The following LYPD1 variants were observed in gnomAD, a reference collection of about 807,000 sequenced individuals.
The protein encoded by LYPD1 is LY6/PLAUR domain containing 1.
Under a neutral mutation model 14.2 loss-of-function variants are expected in LYPD1, and 14 were observed. The ratio of observed to expected loss-of-function variants is 0.99; its 90% CI spans 0.65 to 1.54. LYPD1 has a LOEUF of 1.54. Among genes scored for constraint, LYPD1 ranks in the 40% most tolerant of loss-of-function variants. LYPD1 has a pLI of 0.00. For synonymous variants in LYPD1, 85 were observed against 70.6 expected (o/e 1.20, Z -1.02); for missense variants, 165 against 175.7 (o/e 0.94, Z 0.34).
At position 132,670,027 on chromosome 2, in the gene LYPD1, G is replaced by A; in HGVS notation, c.-95C>T. On this transcript the variant is annotated 5_prime_UTR_variant, in exon 1 of 3. Coordinates refer to ENST00000397463, the MANE Select transcript of LYPD1 (RefSeq NM_144586.7). This position sits in a 1 kb window ranked among gnomAD's most constrained non-coding sequence, Gnocchi z 4.5. ...GGCTGCAGCGGCTGTGGCTGCCGAG[G>A]CTGCTGGGGCCCGCGCTGCTGCCGC... 1 of 1,563,148 alleles carries A rather than the reference G, an allele frequency of 6.4e-7. No individual in the cohort carries two copies. Among genetic ancestry groups the A allele is most frequent in the South Asian group, 1.1e-5 (1 of 86,976 alleles).
chr2:132,664,475 A>G (rs1683157420), intron 2 of LYPD1, among the ~76,000 whole-genome samples: 1 of 152,222 alleles, frequency 6.6e-6, no homozygotes, highest in Admixed American at 6.5e-5. Flanking sequence ...ACACAGCCAT[A>G]ATGTAGATGC....
chr2:132,644,026 T>C lies in LYPD1; in HGVS notation c.*2019A>G, dbSNP rs1573716048. On this transcript the variant is annotated 3_prime_UTR_variant, in exon 3 of 3. Coordinates refer to ENST00000397463, the MANE Select transcript of LYPD1 (RefSeq NM_144586.7). ...AGCAGCTCTCTACAGGGGAATTTAC[T>C]GTGGGTGTCTTGGCTCCTTACGAAA... Among the ~76,000 whole-genome samples, 1 of 152,360 alleles carries C rather than the reference T, an allele frequency of 6.6e-6. No individual in the cohort carries two copies. Among genetic ancestry groups the C allele is most frequent in the South Asian group, 2.1e-4 (1 of 4,826 alleles).
intron 2 of LYPD1, among the ~76,000 whole-genome samples, chr2:132,658,695 T>G (rs778120209): frequency 2.6e-5 from 4 of 152,236 alleles, no homozygotes; most frequent in Admixed American, 1.3e-4. Flanking sequence ...TTGCCCAAAC[T>G]GAATGGTTTA....
intron 1 of LYPD1, among the ~76,000 whole-genome samples, chr2:132,668,738 A>G (rs1479576265): frequency 6.6e-6 from 1 of 152,094 alleles, no homozygotes; most frequent in East Asian, 1.9e-4. Context: ...AAGAAAGTGG[A>G]ATAGTGCCCG....
In LYPD1 at chr2:132,645,596, A is replaced by G; in HGVS notation, c.*449T>C. 2 of 1,610,772 alleles carry G rather than the reference A, an allele frequency of 1.2e-6. No homozygotes were observed. Among genetic ancestry groups the G allele is most frequent in the Non-Finnish European group, 1.7e-6 (2 of 1,178,548 alleles). ...GCTGCAGAGAATGGTTTTCAGGAGC[A>G]TGAAGTTTGAATGTCAAGCGAGGGA... On this transcript the variant is annotated 3_prime_UTR_variant, in exon 3 of 3. Coordinates refer to ENST00000397463, the MANE Select transcript of LYPD1 (RefSeq NM_144586.7).
rs748196870 is a variant in LYPD1 at position 132,645,348 on chromosome 2, C to T, written c.*697G>A. The T allele has an allele frequency of 3.7e-6, 6 of 1,614,038 alleles. No homozygotes were observed. The highest frequency in any genetic ancestry group is 1.6e-4 in the Middle Eastern group (1 of 6,084). ...GCTGCCGCCTGTCGCTGCAGCACGC[C>T]AACCACGAGAAGCGCCTGCGCGTAC... On this transcript the variant is annotated 3_prime_UTR_variant, in exon 3 of 3. Transcript: ENST00000397463.
chr2:132,669,714 C>T lies in LYPD1; in HGVS notation c.52+167G>A. ...CTCCTCCTGCAGCGCGGGACTTGGA[C>T]ACTTTCCCAGCCTCGCGCCCCGGGG... On this transcript the variant is annotated intron_variant, in intron 1 of 2. Coordinates refer to ENST00000397463, the MANE Select transcript of LYPD1 (RefSeq NM_144586.7). This position sits in a 1 kb window ranked among gnomAD's most constrained non-coding sequence, Gnocchi z 4.3. 7.3e-7 allele frequency: 1 copy of T among 1,375,822 alleles called. No individual in the cohort carries two copies. Among genetic ancestry groups the T allele is most frequent in the Non-Finnish European group, 9.5e-7 (1 of 1,047,936 alleles). 85.2% of individuals were successfully genotyped at this position (1,375,822 alleles called of 1,614,324 possible). A position where few individuals can be genotyped will look rare whatever the true frequency, so the allele number is the denominator to read the frequency against.
Position 132,644,903 on chromosome 2 carries a change from G to T in LYPD1, c.*1142C>A. On this transcript the variant is annotated 3_prime_UTR_variant, in exon 3 of 3. Transcript: ENST00000397463. ...TTTCTTTAACACAGCCAACTCCCCCGGGTTTGAAACAGTGTTAAATTCTCT... is the reference window on the plus strand; with the variant it reads ...TTTCTTTAACACAGCCAACTCCCCCTGGTTTGAAACAGTGTTAAATTCTCT... 1 of 600,240 alleles carries T rather than the reference G, an allele frequency of 1.7e-6. No individual in the cohort carries two copies. The highest frequency in any genetic ancestry group is 2.9e-6 in the Non-Finnish European group (1 of 347,322). 37.2% of individuals were successfully genotyped at this position (600,240 alleles called of 1,614,324 possible). A position where few individuals can be genotyped will look rare whatever the true frequency, so the allele number is the denominator to read the frequency against.
At position 132,645,122 on chromosome 2, in the gene LYPD1, C is replaced by A; in HGVS notation, c.*923G>T. The A allele has an allele frequency of 6.2e-7, 1 of 1,613,148 alleles. No individual in the cohort carries two copies. The highest frequency in any genetic ancestry group is 8.5e-7 in the Non-Finnish European group (1 of 1,179,542). ...CCAGGGCTGATTGTTGTGACATTGG[C>A]CGTATGCTGGATGCCCAACCAGATT... On this transcript the variant is annotated 3_prime_UTR_variant, in exon 3 of 3. Transcript: ENST00000397463.
chr2:132,647,370 A>G (rs940385966), intron 2 of LYPD1, among the ~76,000 whole-genome samples: 2 of 152,342 alleles, frequency 1.3e-5, no homozygotes, highest in Middle Eastern at 3.4e-3. Context: ...ATTAACCACA[A>G]AAATAACCGG....
At chr2:132,666,233 C>A (rs1489035267) in intron 2 of LYPD1, among the ~76,000 whole-genome samples, 1 of 152,118 alleles carries the variant, frequency 6.6e-6, no homozygotes, top group Non-Finnish European at 1.5e-5. Flanking sequence ...TCCTTATTGG[C>A]AAAAAATTAA....
At chr2:132,658,184 G>A (rs1423941291) in intron 2 of LYPD1, among the ~76,000 whole-genome samples, 1 of 152,226 alleles carries the variant, frequency 6.6e-6, no homozygotes, top group Non-Finnish European at 1.5e-5. Context: ...GCTTAGGGAA[G>A]TAAGAAGAAA....
chr2:132,648,602 A>AT (rs1456699073), intron 2 of LYPD1, among the ~76,000 whole-genome samples: 1 of 152,222 alleles, frequency 6.6e-6, no homozygotes, highest in Non-Finnish European at 1.5e-5. Flanking sequence ...GGTTAGTTGG[A>AT]TAAATAGTGC....
chr2:132,650,187 G>C (rs565010669), intron 2 of LYPD1, among the ~76,000 whole-genome samples: 1 of 152,054 alleles, frequency 6.6e-6, no homozygotes, highest in African/African-American at 2.4e-5. Flanking sequence ...CACAGAAAAC[G>C]CAACAGAGCT....
At chr2:132,670,306 G>A (rs985252266), upstream of LYPD1, 7 of 295,868 alleles carry the variant, frequency 2.4e-5, no homozygotes, top group African/African-American at 1.2e-4. This position sits in a 1 kb window ranked among gnomAD's most constrained non-coding sequence, Gnocchi z 4.5. Context: ...TGGGGGTGGC[G>A]GGCGGGGAAG....
At chr2:132,664,204 C>G (rs1304675157) in intron 2 of LYPD1, among the ~76,000 whole-genome samples, 2 of 151,938 alleles carry the variant, frequency 1.3e-5, no homozygotes, top group African/African-American at 4.8e-5. Context: ...CATCCCAAGG[C>G]CAAACTAGAG....
rs375755999 is a variant in LYPD1, at chr2:132,669,820, G to T, written c.52+61C>A. ...AGGTGGGCGCCTTGGGGGCAAAAGG[G>T]CTGGCGGGTAGATGGATTGTGCGCA... On this transcript the variant is annotated intron_variant, in intron 1 of 2. Transcript: ENST00000397463. The surrounding 1 kb of genome is among the most constrained non-coding windows in gnomAD (Gnocchi z 4.3). The T allele has an allele frequency of 1.7e-3, 2,642 of 1,594,518 alleles. 3 individuals carry two copies. Among genetic ancestry groups the T allele is most frequent in the Non-Finnish European group, 2.1e-3 (2,465 of 1,170,016 alleles).
intron 2 of LYPD1, among the ~76,000 whole-genome samples, chr2:132,660,904 T>C (rs1468606898): frequency 1.3e-5 from 2 of 151,740 alleles, no homozygotes; most frequent in African/African-American, 4.9e-5. Flanking sequence ...TGCCAGCATC[T>C]GATCTCTTTA....
At chr2:132,656,565 CAT>C (rs1427394427) in intron 2 of LYPD1, among the ~76,000 whole-genome samples, 2 of 152,178 alleles carry the variant, frequency 1.3e-5, no homozygotes, top group Non-Finnish European at 2.9e-5. Flanking sequence ...GGAATTTTGA[CAT>C]TCTCTGCATT....
Sources: gnomAD v4.1 joint callset for allele counts (sites outside exome capture counted in the v4.1 genomes callset) on GRCh38, gnomAD v4.1.1 for gene constraint, Gnocchi (gnomAD v3.1) non-coding constraint, MANE v1.5 for transcripts, NCBI Gene and HGNC (gene_info 2026-07-23, HGNC 2026-07-21) for gene names.